SCN2A: variants seen among roughly 807,000 people sequenced by gnomAD.
SCN2A encodes sodium voltage-gated channel alpha subunit 2, also known as sodium channel protein type 2 subunit alpha.
In SCN2A, 20 loss-of-function variants were observed where a neutral mutation model predicts 188.7. The ratio of observed to expected loss-of-function variants is 0.11; its 90% CI spans 0.07 to 0.15. The LOEUF is 0.15. SCN2A is among the 10% of genes least tolerant of loss of function. The pLI, the probability that SCN2A is intolerant of heterozygous loss-of-function variation, is 1.00. For missense variants in SCN2A, 1,278 were observed against 2,445.0 expected (o/e 0.52, Z 10.07); for synonymous variants, 804 against 833.1 (o/e 0.97, Z 0.60).
chr2:165,286,126 AT>A (rs1695817692), intron 1 of SCN2A: 1 of 152,510 alleles, frequency 6.6e-6, no homozygotes, highest in South Asian at 2.1e-4. Flanking sequence ...CCCTTTTATT[AT>A]TCTTAGAAGA....
chr2:165,255,144 C>A (rs1694260069), intron 1 of SCN2A, among the ~76,000 whole-genome samples: 1 of 151,566 alleles, frequency 6.6e-6, no homozygotes, highest in Admixed American at 6.6e-5. Flanking sequence ...TTTGATTTTT[C>A]TTCTCATAAC....
chr2:165,308,754 G>T lies in SCN2A; in HGVS notation c.565G>T (p.Asp189Tyr). The T allele has an allele frequency of 1.2e-6, 2 of 1,612,848 alleles. No individual in the cohort carries two copies. Among genetic ancestry groups the T allele is most frequent in the Non-Finnish European group, 1.7e-6 (2 of 1,179,104 alleles). ...TTTAGAAGATTTCACATTTTTACGG[G>T]ATCCATGGAATTGGTTGGATTTCAC... ...FCLEDFTFLR[D>Y]PWNWLDFTVI... The change falls in exon 5 of 27, where the codon GAT (aspartate) becomes TAT (tyrosine). Residue 189 changes from aspartate to tyrosine, a missense_variant. Transcript: ENST00000375437.
intron 1 of SCN2A, chr2:165,269,652 T>C (rs2106102652): frequency 6.6e-6 from 1 of 152,144 alleles, no homozygotes; most frequent in South Asian, 2.1e-4. Flanking sequence ...GTTACATTTA[T>C]GGATTATTAG....
chr2:165,310,616 C>T, intron 7 of SCN2A, 21 bp downstream of exon 7: 2 of 1,565,952 alleles, frequency 1.3e-6, no homozygotes. Context: ...CTCTATAAAC[C>T]ATTAAGTTGT....
chr2:165,296,908 TAC>T lies in SCN2A; in HGVS notation c.268-106_268-105del, dbSNP rs1696541372. ...TCATATGATGGTAATTATTATGTTA[TAC>T]ACTATTTTACAGGGCAATATTTATA... On this transcript the variant is annotated intron_variant, in intron 2 of 26. Coordinates refer to ENST00000375437, the MANE Select transcript of SCN2A (RefSeq NM_001040142.2). 4.5e-6 allele frequency: 3 copies of T among 667,832 alleles called. No individual in the cohort carries two copies. The South Asian group carries it at 5.6e-5, about 13-fold the overall frequency. The allele number at this position is 667,832 out of a possible 1,614,324, so 41.4% of individuals were successfully genotyped here.
intron 1 of SCN2A, chr2:165,273,079 G>T (rs1012962147): frequency 2.0e-5 from 3 of 152,094 alleles, no homozygotes; most frequent in Admixed American, 1.3e-4. Context: ...AATGGGAATA[G>T]ATCCTTTCAA....
chr2:165,380,336 A>G (rs1381487938), intron 23 of SCN2A, among the ~76,000 whole-genome samples: 1 of 141,554 alleles, frequency 7.1e-6, no homozygotes, highest in East Asian at 2.2e-4. Context: ...TGCATTCATA[A>G]TCTGGGCATT....
intron 23 of SCN2A, 152 bp from the exon 24 acceptor site, chr2:165,380,440 A>C: frequency 3.4e-6 from 2 of 591,198 alleles, no homozygotes; most frequent in Non-Finnish European, 6.1e-6. Flanking sequence ...TTCAATAAGC[A>C]TGTGAGATTT....
chr2:165,367,909 A>T (rs1700815389), intron 19 of SCN2A, among the ~76,000 whole-genome samples: 2 of 152,102 alleles, frequency 1.3e-5, no homozygotes, highest in Admixed American at 1.3e-4. Flanking sequence ...GGTGCCTGCG[A>T]TCCTTGAAGC....
intron 1 of SCN2A, among the ~76,000 whole-genome samples, chr2:165,265,583 AT>A (rs1252028944): frequency 1.4e-5 from 2 of 144,304 alleles, no homozygotes; most frequent in African/African-American, 2.5e-5. Flanking sequence ...ACTCAAAAAA[AT>A]ATTGAACATT....
intron 12 of SCN2A, among the ~76,000 whole-genome samples, chr2:165,326,270 G>A (rs984258212): frequency 3.3e-5 from 5 of 152,084 alleles, no homozygotes; most frequent in African/African-American, 1.2e-4. Flanking sequence ...TTGTTTTGTG[G>A]ATTAAGTTGT....
At chr2:165,270,200 A>G (rs1016489189) in intron 1 of SCN2A, 1 of 151,926 alleles carries the variant, frequency 6.6e-6, no homozygotes, top group Non-Finnish European at 1.5e-5. Flanking sequence ...TTAATTTCTT[A>G]TTCTTAATAA....
intron 1 of SCN2A, chr2:165,294,010 TAAAAAAAAA>T (rs67417831): frequency 3.5e-4 from 53 of 151,028 alleles, no homozygotes; most frequent in South Asian, 6.6e-4. Flanking sequence ...GAAGGAGAAT[TAAAAAAAAA>T]AAAAAAAAAA....
At position 165,313,999 on chromosome 2, in the gene SCN2A, C is replaced by T; in HGVS notation, c.1274C>T (p.Ala425Val). The change falls in exon 10 of 27, where the codon GCC becomes GTC. Residue 425 changes from alanine to valine, a missense_variant. Coordinates refer to ENST00000375437, the MANE Select transcript of SCN2A (RefSeq NM_001040142.2). The part of the protein sequence containing the change: ...YLINLILAVV[A>V]MAYEEQNQAT... ...ATAAATTTGATCTTGGCTGTGGTGG[C>T]CATGGCCTATGAGGAACAGAATCAG... is the stretch of plus-strand genomic sequence containing the variant. The T allele has an allele frequency of 6.2e-7, 1 of 1,613,750 alleles. No homozygotes were observed. Among genetic ancestry groups the T allele is most frequent in the Non-Finnish European group, 8.5e-7 (1 of 1,179,804 alleles).
intron 25 of SCN2A, among the ~76,000 whole-genome samples, chr2:165,382,710 A>AT (rs1701667043): frequency 6.6e-6 from 1 of 152,166 alleles, no homozygotes; most frequent in Non-Finnish European, 1.5e-5. Flanking sequence ...TGGTTCCACT[A>AT]TCATATACTG....
intron 16 of SCN2A, 102 bp downstream of exon 16, chr2:165,345,013 A>G: frequency 7.1e-7 from 1 of 1,416,794 alleles, no homozygotes. Context: ...AATCAAGGCC[A>G]CTTCCTATTG....
chr2:165,373,490 C>A, intron 21 of SCN2A, 143 bp downstream of exon 21: 2 of 918,810 alleles, frequency 2.2e-6, no homozygotes, highest in Non-Finnish European at 1.7e-6. Context: ...ATAATATTTA[C>A]CAGATGCCCA....
rs568726274 is a variant in SCN2A, at chr2:165,345,044, G to A, written c.2919+133G>A. 3 of 1,123,086 alleles carry A rather than the reference G, an allele frequency of 2.7e-6. No individual in the cohort carries two copies. In the South Asian group the frequency reaches 4.2e-5, roughly 16 times the overall value. The allele number at this position is 1,123,086 out of a possible 1,614,324, so 69.6% of individuals were successfully genotyped here. Reference sequence around the variant, plus strand: ...TATTGTCTATTACTCATGACTGTAAGAGCCATGTATAGTTTAGACCATTGT... The same window carrying A: ...TATTGTCTATTACTCATGACTGTAAAAGCCATGTATAGTTTAGACCATTGT... On this transcript the variant is annotated intron_variant, in intron 16 of 26. Coordinates refer to ENST00000375437, the MANE Select transcript of SCN2A (RefSeq NM_001040142.2).
intron 1 of SCN2A, 77 bp from the exon 2 acceptor site, chr2:165,295,696 T>G: frequency 7.5e-7 from 1 of 1,333,534 alleles, no homozygotes; most frequent in Non-Finnish European, 1.1e-6. Flanking sequence ...TGTATCTCAG[T>G]GCTCAGTGTC....
Sources: gnomAD v4.1 joint callset for allele counts (sites outside exome capture counted in the v4.1 genomes callset) on GRCh38, gnomAD v4.1.1 for gene constraint, MANE v1.5 for transcripts, NCBI Gene and HGNC (gene_info 2026-07-23, HGNC 2026-07-21) for gene names.